HERC1: variants seen among roughly 807,000 people sequenced by gnomAD.
HERC1 encodes probable E3 ubiquitin-protein ligase HERC1.
A neutral mutation model predicts 554.3 loss-of-function variants in HERC1; 160 were observed. The observed-to-expected ratio is 0.29, with a 90% CI of 0.25 to 0.33. The LOEUF (loss-of-function observed/expected upper bound fraction) is 0.33, where lower values mean the gene tolerates loss of function less well. Ranked by LOEUF, HERC1 falls within the 10% of genes least tolerant of loss-of-function variation. HERC1 has a pLI of 1.00. For missense variants in HERC1, 4,919 were observed against 5,918.5 expected (o/e 0.83, Z 5.54); for synonymous variants, 2,175 against 2,131.7 (o/e 1.02, Z -0.56).
intron 1 of HERC1, among the ~76,000 whole-genome samples, chr15:63,788,514 G>A (rs1482592515): frequency 2.0e-5 from 3 of 152,176 alleles, no homozygotes; most frequent in African/African-American, 4.8e-5. Context: ...TTCTTTTTAA[G>A]CAGTCAATAA....
intron 12 of HERC1, among the ~76,000 whole-genome samples, chr15:63,737,162 T>C (rs940575917): frequency 4.6e-5 from 7 of 150,702 alleles, no homozygotes; most frequent in South Asian, 4.2e-4. Flanking sequence ...AAAATCTCAA[T>C]AGAAGGGCTA....
At chr15:63,639,517 A>T (rs2068938864) in intron 61 of HERC1, among the ~76,000 whole-genome samples, 1 of 152,230 alleles carries the variant, frequency 6.6e-6, no homozygotes, top group Non-Finnish European at 1.5e-5. Context: ...CCCATCATTA[A>T]GTGATGCATA....
At chr15:63,622,753 C>G (rs978053930) in intron 74 of HERC1, 62 bp downstream of exon 74, 1 of 1,290,996 alleles carries the variant, frequency 7.7e-7, no homozygotes, top group African/African-American at 1.5e-5. Context: ...AGTAAGCACT[C>G]AATAAATGTG....
intron 2 of HERC1, among the ~76,000 whole-genome samples, chr15:63,768,483 C>T (rs185405380): frequency 3.9e-5 from 6 of 152,292 alleles, no homozygotes; most frequent in Admixed American, 3.3e-4. Flanking sequence ...GTTGCTACAA[C>T]AACAAATACT....
intron 74 of HERC1, among the ~76,000 whole-genome samples, chr15:63,621,754 T>TGATA (rs2068087482): frequency 6.6e-6 from 1 of 152,266 alleles, no homozygotes; most frequent in South Asian, 2.1e-4. Flanking sequence ...CTTCCATCAC[T>TGATA]GATACCCTTT....
chr15:63,759,827 T>C (rs1391018890), intron 3 of HERC1, among the ~76,000 whole-genome samples: 1 of 152,234 alleles, frequency 6.6e-6, no homozygotes, highest in Non-Finnish European at 1.5e-5. Flanking sequence ...TAGGGTCATC[T>C]TGGTCAGATA....
chr15:63,736,497 T>G (rs1567068302), intron 12 of HERC1, among the ~76,000 whole-genome samples: 1 of 152,180 alleles, frequency 6.6e-6, no homozygotes, highest in Non-Finnish European at 1.5e-5. Context: ...ACATGAAATA[T>G]TACCTTCCCC....
chr15:63,699,144 A>G (rs2072586667), intron 25 of HERC1, 148 bp from the exon 26 acceptor site: 2 of 660,278 alleles, frequency 3.0e-6, no homozygotes, highest in Non-Finnish European at 2.5e-6. Flanking sequence ...AGTGAATCTG[A>G]GCAAAATGCT....
chr15:63,689,783 T>C (rs994878948), intron 32 of HERC1, 84 bp from the exon 33 acceptor site: 5 of 729,232 alleles, frequency 6.9e-6, no homozygotes, highest in Non-Finnish European at 1.1e-5. Flanking sequence ...TTAACTGTAA[T>C]ATTAACTCGC....
At chr15:63,702,498 G>C (rs1319542040) in intron 25 of HERC1, among the ~76,000 whole-genome samples, 1 of 152,110 alleles carries the variant, frequency 6.6e-6, no homozygotes, top group Non-Finnish European at 1.5e-5. Context: ...ACTTTTCACT[G>C]TATCATCTTC....
In HERC1 at chr15:63,635,028, T is replaced by A. The variant is rs142553976; in HGVS notation, c.12415-140A>T. 8,707 of 580,528 alleles carry A rather than the reference T, an allele frequency of 0.015. 96 individuals carry two copies. The highest frequency in any genetic ancestry group is 0.03 in the East Asian group (943 of 31,680). The allele number at this position is 580,528 out of a possible 1,614,324, so 36.0% of individuals were successfully genotyped here. A position where few individuals can be genotyped will look rare whatever the true frequency, so the allele number is the denominator to read the frequency against. On this transcript the variant is annotated intron_variant, in intron 65 of 77. Coordinates refer to ENST00000443617, the MANE Select transcript of HERC1 (RefSeq NM_003922.4). ...CTGGATCTTCAAAGACCAATGCTTT[T>A]AAAAATTTTTTTTTTTAATTTTTTT...
chr15:63,750,532 T>TTA (rs2075200738), intron 8 of HERC1, among the ~76,000 whole-genome samples: 1 of 152,194 alleles, frequency 6.6e-6, no homozygotes, highest in African/African-American at 2.4e-5. Flanking sequence ...TTTGGTAAGA[T>TTA]TATATAGATT....
At chr15:63,809,646 G>A (rs1366834420) in intron 1 of HERC1, among the ~76,000 whole-genome samples, 6 of 152,212 alleles carry the variant, frequency 3.9e-5, no homozygotes, top group South Asian at 4.1e-4. Context: ...GAACTTGTAC[G>A]GAGTTGAATT....
intron 1 of HERC1, among the ~76,000 whole-genome samples, chr15:63,817,298 AT>A (rs1431425340): frequency 6.6e-6 from 1 of 152,166 alleles, no homozygotes; most frequent in Non-Finnish European, 1.5e-5. Flanking sequence ...CTTGCTATAC[AT>A]TTTTTGGTAT....
Position 63,718,547 on chromosome 15 carries a change from T to C in HERC1, c.3978+27A>G, listed in dbSNP as rs777916780. ...AGCTCTCACAGCTTGCAGAAAAACATAGAAATTAATTGATTTCAAACTTTA... is the reference window on the plus strand; with the variant it reads ...AGCTCTCACAGCTTGCAGAAAAACACAGAAATTAATTGATTTCAAACTTTA... On this transcript the variant is annotated intron_variant, in intron 21 of 77. Coordinates refer to ENST00000443617, the MANE Select transcript of HERC1 (RefSeq NM_003922.4). The surrounding 1 kb of genome is among the most constrained non-coding windows in gnomAD (Gnocchi z 4.2). 25 of 1,527,430 alleles carry C rather than the reference T, an allele frequency of 1.6e-5. No homozygotes were observed. The highest frequency in any genetic ancestry group is 1.5e-4 in the South Asian group (12 of 80,780). The allele number at this position is 1,527,430 out of a possible 1,614,324, so 94.6% of individuals were successfully genotyped here.
At chr15:63,618,843 T>G (rs2067940707) in intron 74 of HERC1, among the ~76,000 whole-genome samples, 1 of 152,246 alleles carries the variant, frequency 6.6e-6, no homozygotes, top group South Asian at 2.1e-4. Flanking sequence ...GCACATTGAT[T>G]TTGTATCCTG....
At position 63,686,355 on chromosome 15, in the gene HERC1, G is replaced by C. The variant is rs141414233; in HGVS notation, c.6225+4C>G. The C allele has an allele frequency of 1.3e-6, 2 of 1,581,272 alleles. No individual in the cohort carries two copies. Among genetic ancestry groups the C allele is most frequent in the Non-Finnish European group, 1.7e-6 (2 of 1,167,782 alleles). On this transcript the variant is annotated splice_donor_region_variant and intron_variant, in intron 34 of 77. Coordinates refer to ENST00000443617, the MANE Select transcript of HERC1 (RefSeq NM_003922.4). ...TGCTAAAAACTATTAGATTTTCTAC[G>C]TACCTTCCACTGATAGCACCCAGAA...
Position 63,654,357 on chromosome 15 carries a change from T to C in HERC1, c.10085-33A>G, listed in dbSNP as rs761356311. Reference sequence around the variant, plus strand: ...AGAAGGATCATAGGAAGGATGGGCATACAATTGGGCAATTAAACCTGCTTA... The same window carrying C: ...AGAAGGATCATAGGAAGGATGGGCACACAATTGGGCAATTAAACCTGCTTA... On this transcript the variant is annotated intron_variant, in intron 50 of 77. Transcript: ENST00000443617. 7 of 1,538,260 alleles carry C rather than the reference T, an allele frequency of 4.6e-6. No individual in the cohort carries two copies. The African/African-American group carries it at 6.8e-5, about 15-fold the overall frequency.
rs2072259246 is a variant in HERC1 at position 63,693,837 on chromosome 15, G to A, written c.5674+127C>T. 8.2e-6 allele frequency: 8 copies of A among 978,896 alleles called. No homozygotes were observed. In the East Asian group the frequency reaches 1.6e-4, roughly 19 times the overall value. 60.6% of individuals were successfully genotyped at this position (978,896 alleles called of 1,614,324 possible). A position where few individuals can be genotyped will look rare whatever the true frequency, so the allele number is the denominator to read the frequency against. On this transcript the variant is annotated intron_variant, in intron 30 of 77. Coordinates refer to ENST00000443617, the MANE Select transcript of HERC1 (RefSeq NM_003922.4). ...ATATACGTGAAGAGAAAAGAGGTTTGTAAATAAACAAATAAAAATCCCATC... is the reference window on the plus strand; with the variant it reads ...ATATACGTGAAGAGAAAAGAGGTTTATAAATAAACAAATAAAAATCCCATC...
Sources: gnomAD v4.1 joint callset for allele counts (sites outside exome capture counted in the v4.1 genomes callset) on GRCh38, gnomAD v4.1.1 for gene constraint, Gnocchi (gnomAD v3.1) non-coding constraint, MANE v1.5 for transcripts, NCBI Gene and HGNC (gene_info 2026-07-23, HGNC 2026-07-21) for gene names.